The following AASDH variants were observed in gnomAD, a reference collection of about 807,000 sequenced individuals.
AASDH encodes aminoadipate-semialdehyde dehydrogenase.
In AASDH, 81 loss-of-function variants were observed where a neutral mutation model predicts 102.3. The observed-to-expected ratio is 0.79, with a 90% CI of 0.66 to 0.95. AASDH has a LOEUF of 0.95. AASDH is among the 40% of genes least tolerant of loss of function. The pLI, the probability that AASDH is intolerant of heterozygous loss-of-function variation, is 0.00. For missense variants in AASDH, 1,203 were observed against 1,266.2 expected, an observed-to-expected ratio of 0.95 and a Z score of 0.76; for synonymous variants, 398 against 454.0, an observed-to-expected ratio of 0.88 and a Z score of 1.57.
chr4:56,349,244 C>A lies in AASDH; in HGVS notation c.2488+19G>T. On this transcript the variant is annotated intron_variant, in intron 11 of 14. Transcript: ENST00000205214. ...GGTAATTCAATTTAACTCCACAAAC[C>A]TCAAATTCAAAAACTTACCCACCAC... 1 of 1,610,074 alleles carries A rather than the reference C, an allele frequency of 6.2e-7. No individual in the cohort carries two copies. The highest frequency in any genetic ancestry group is 1.1e-5 in the South Asian group (1 of 90,588).
At chr4:56,352,812 T>C (rs1372590364) in intron 9 of AASDH, among the ~76,000 whole-genome samples, 4 of 152,206 alleles carry the variant, frequency 2.6e-5, no homozygotes, top group African/African-American at 9.6e-5. Context: ...ACAGACTGGA[T>C]ACAGCACCGA....
At chr4:56,357,299 C>T (rs902218084) in intron 5 of AASDH, among the ~76,000 whole-genome samples, 1 of 152,172 alleles carries the variant, frequency 6.6e-6, no homozygotes, top group Non-Finnish European at 1.5e-5. Flanking sequence ...ATGGTACCTT[C>T]TTGCTGTGTT....
chr4:56,343,513 C>A (rs766156178), intron 13 of AASDH, 49 bp downstream of exon 13: 4 of 1,484,120 alleles, frequency 2.7e-6, no homozygotes, highest in Non-Finnish European at 3.6e-6. Flanking sequence ...AAAAATTTTA[C>A]AAATTTAAAG....
rs371500760 is a variant in AASDH at position 56,364,647 on chromosome 4, A to C, written c.861+6804T>G. Among the ~76,000 whole-genome samples the C allele has an allele frequency of 2.0e-5, 3 of 152,318 alleles. No homozygotes were observed. In the South Asian group the frequency reaches 6.2e-4, roughly 32 times the overall value. ...TTCATAAGTGAAGGAGAAATAAAAT[A>C]CTTTACAGATAAGCAAATGCTGAGA... On this transcript the variant is annotated intron_variant, in intron 5 of 14. Coordinates refer to ENST00000205214, the MANE Select transcript of AASDH (RefSeq NM_181806.4).
intron 2 of AASDH, among the ~76,000 whole-genome samples, chr4:56,383,129 A>G: frequency 6.6e-6 from 1 of 151,924 alleles, no homozygotes; most frequent in East Asian, 1.9e-4. Context: ...TTACTATGTT[A>G]AATTCTTATC....
chr4:56,340,749 T>C (rs1340146436), intron 14 of AASDH, among the ~76,000 whole-genome samples: 1 of 152,186 alleles, frequency 6.6e-6, no homozygotes, highest in East Asian at 1.9e-4. Flanking sequence ...GCCTGTTGAA[T>C]GGGAGAAAAT....
intron 7 of AASDH, 63 bp downstream of exon 7, chr4:56,354,642 A>C (rs1010177974): frequency 8.2e-7 from 1 of 1,223,976 alleles, no homozygotes; most frequent in Non-Finnish European, 1.2e-6. Flanking sequence ...GAAAGGAATA[A>C]AATTAACACA....
In AASDH at chr4:56,371,535, CAG is replaced by C; in HGVS notation, c.775_776del (p.Leu259AlafsTer23). 3.1e-6 allele frequency: 5 copies of C among 1,613,146 alleles called. No homozygotes were observed. Among genetic ancestry groups the C allele is most frequent in the Non-Finnish European group, 4.2e-6 (5 of 1,179,872 alleles). ...IFLALSSGAS[L>X]LIVPTSVKLL... ...ACTTGACGGAAGTTGGTACAATAAG[CAG>C]AGAGGCACCACTTGATAGAGCAAGA... is the stretch of plus-strand genomic sequence containing the variant. On this transcript the variant is annotated frameshift_variant, in exon 5 of 15. Coordinates refer to ENST00000205214, the MANE Select transcript of AASDH (RefSeq NM_181806.4). LOFTEE classifies it high-confidence loss of function.
At chr4:56,349,232 A>C (rs749167232) in intron 11 of AASDH, 31 bp downstream of exon 11, 1 of 1,599,014 alleles carries the variant, frequency 6.3e-7, no homozygotes, top group Non-Finnish European at 8.5e-7. Context: ...AATTCAATTT[A>C]ACTCCACAAA....
At chr4:56,372,643 T>C (rs7670846) in intron 4 of AASDH, among the ~76,000 whole-genome samples, 3,142 of 152,270 alleles carry the variant, frequency 0.021, 48 homozygotes, top group South Asian at 0.047. Context: ...ATTATAACTA[T>C]GTATATGGTG....
At chr4:56,357,646 AT>A in intron 5 of AASDH, among the ~76,000 whole-genome samples, 9 of 149,156 alleles carry the variant, frequency 6.0e-5, no homozygotes, top group African/African-American at 2.2e-4. Flanking sequence ...ATATATAATT[AT>A]ATATAATTAT....
intron 6 of AASDH, 47 bp downstream of exon 6, chr4:56,355,135 G>GAA: frequency 6.4e-7 from 1 of 1,568,708 alleles, no homozygotes. Flanking sequence ...TAAGATCCTA[G>GAA]AAATATACAG....
chr4:56,353,313 T>G, intron 9 of AASDH, 91 bp downstream of exon 9: 1 of 1,105,288 alleles, frequency 9.0e-7, no homozygotes, highest in Non-Finnish European at 1.3e-6. Context: ...GTACCATTTA[T>G]AAAAATAAAG....
intron 4 of AASDH, among the ~76,000 whole-genome samples, chr4:56,373,701 T>G (rs760565021): frequency 7.9e-5 from 12 of 152,216 alleles, no homozygotes; most frequent in Non-Finnish European, 1.2e-4. Context: ...ATTGTCTAGC[T>G]TCCTACTTAG....
chr4:56,362,075 C>A (rs1014686614), intron 5 of AASDH, among the ~76,000 whole-genome samples: 2 of 152,044 alleles, frequency 1.3e-5, no homozygotes, highest in African/African-American at 4.8e-5. Flanking sequence ...TTGTGATAAA[C>A]CAAAAATCAA....
At chr4:56,346,803 GAGGCTGAGGTGGGC>G (rs1326396313) in intron 11 of AASDH, among the ~76,000 whole-genome samples, 1 of 152,182 alleles carries the variant, frequency 6.6e-6, no homozygotes, top group African/African-American at 2.4e-5. Flanking sequence ...AGCACTTTGG[GAGGCTGAGGTGGGC>G]AGATCGCTTG....
intron 5 of AASDH, among the ~76,000 whole-genome samples, chr4:56,370,493 T>C (rs1396828577): frequency 6.6e-6 from 1 of 152,176 alleles, no homozygotes; most frequent in Non-Finnish European, 1.5e-5. Context: ...GTGAAGTGAT[T>C]AGGTCATGCA....
intron 11 of AASDH, among the ~76,000 whole-genome samples, chr4:56,347,030 G>C (rs976457576): frequency 6.7e-6 from 1 of 148,274 alleles, no homozygotes; most frequent in African/African-American, 2.5e-5. Flanking sequence ...GACAGAGCAA[G>C]ACGCTGTCTT....
chr4:56,356,686 G>T, intron 5 of AASDH: 1 of 692,270 alleles, frequency 1.4e-6, no homozygotes, highest in East Asian at 2.6e-5. Context: ...CATTATCAAG[G>T]GGAAGGGAAG....
Sources: allele counts gnomAD v4.1 joint callset (sites outside exome capture counted in the v4.1 genomes callset), GRCh38; gene constraint gnomAD v4.1.1; transcripts MANE v1.5; gene names NCBI Gene and HGNC (gene_info 2026-07-23, HGNC 2026-07-21).